The following TTC7B variants were observed in gnomAD, a reference collection of about 807,000 sequenced individuals.
TTC7B encodes the protein tetratricopeptide repeat domain 7B, also known as tetratricopeptide repeat protein 7B.
TTC7B carries 28 observed loss-of-function variants against 106.8 expected under a neutral mutation model. The observed-to-expected ratio is 0.26, with a 90% CI of 0.19 to 0.36. The LOEUF (loss-of-function observed/expected upper bound fraction) is 0.36. Among genes scored for constraint, TTC7B ranks in the 10% least tolerant of loss-of-function variants. The probability of loss-of-function intolerance (pLI) is 1.00; values close to 1 mark genes in which losing one functional copy is unlikely to be tolerated. For missense variants in TTC7B, 862 were observed against 1,076.4 expected, an observed-to-expected ratio of 0.80 and a Z score of 2.79; for synonymous variants, 405 against 430.6, an observed-to-expected ratio of 0.94 and a Z score of 0.74.
At chr14:90,733,703 G>A (rs1889411163) in intron 4 of TTC7B, among the ~76,000 whole-genome samples, 1 of 152,202 alleles carries the variant, frequency 6.6e-6, no homozygotes. Context: ...GACTGAGGAA[G>A]CACGGGGAAG....
At chr14:90,632,257 T>C (rs1324287940) in intron 15 of TTC7B, among the ~76,000 whole-genome samples, 1 of 152,238 alleles carries the variant, frequency 6.6e-6, no homozygotes, top group African/African-American at 2.4e-5. Context: ...GGCATGTTCA[T>C]TGCTTCATCA....
chr14:90,574,944 A>C (rs1196957327), intron 19 of TTC7B, among the ~76,000 whole-genome samples: 1 of 152,054 alleles, frequency 6.6e-6, no homozygotes, highest in African/African-American at 2.4e-5. Flanking sequence ...GATGCTCCCT[A>C]GGGCTCTGTT....
chr14:90,655,058 G>A lies in TTC7B; in HGVS notation c.1394C>T (p.Thr465Met), dbSNP rs200578603. Residue 465 changes from threonine (T) to methionine (M), a missense_variant, in exon 12 of 20, where the codon ACG becomes ATG. Thr to Met is a moderately conservative substitution (Grantham distance 81). Transcript: ENST00000328459. ...AKTVVDVGEK[T>M]SEFKAKGYLA... ...GTAGCCTTTGGCCTTGAACTCTGAC[G>A]TTTTCTCTCCCACATCAACGACAGT... 45 of 1,614,048 alleles carry A rather than the reference G, an allele frequency of 2.8e-5. No homozygotes were observed. Among genetic ancestry groups the A allele is most frequent in the Non-Finnish European group, 3.4e-5 (40 of 1,180,020 alleles).
At chr14:90,650,768 C>A (rs1290335183) in intron 13 of TTC7B, among the ~76,000 whole-genome samples, 1 of 152,216 alleles carries the variant, frequency 6.6e-6, no homozygotes, top group Non-Finnish European at 1.5e-5. Context: ...AGAAGCTTTG[C>A]AAACAATATT....
intron 17 of TTC7B, among the ~76,000 whole-genome samples, chr14:90,609,191 T>G (rs1329441331): frequency 1.3e-5 from 2 of 152,208 alleles, no homozygotes; most frequent in African/African-American, 4.8e-5. Flanking sequence ...AGCCCACCAA[T>G]GACTGCTGAA....
chr14:90,556,915 CG>C (rs952685454), intron 19 of TTC7B, among the ~76,000 whole-genome samples: 1 of 152,074 alleles, frequency 6.6e-6, no homozygotes, highest in Admixed American at 6.5e-5. Context: ...AGCCAGGGAA[CG>C]GGGGGGACAT....
chr14:90,676,107 T>C (rs1886823998), intron 9 of TTC7B: 1 of 159,638 alleles, frequency 6.3e-6, no homozygotes, highest in African/African-American at 2.4e-5. Context: ...AAACGGTCTA[T>C]ACCAGCTAAC....
At chr14:90,592,628 G>A (rs1039392322) in intron 18 of TTC7B, among the ~76,000 whole-genome samples, 2 of 151,666 alleles carry the variant, frequency 1.3e-5, no homozygotes, top group African/African-American at 4.8e-5. Context: ...AGAATCGCTT[G>A]AACCTGGGAG....
At chr14:90,726,417 C>T (rs1047075362) in intron 5 of TTC7B, among the ~76,000 whole-genome samples, 1 of 152,214 alleles carries the variant, frequency 6.6e-6, no homozygotes, top group African/African-American at 2.4e-5. Flanking sequence ...CCTCCAAGCC[C>T]TGGCAATGTC....
At position 90,807,617 on chromosome 14, in the gene TTC7B, T is replaced by C. The variant is rs1271985993; in HGVS notation, c.121+8558A>G. Among the ~76,000 whole-genome samples the C allele has an allele frequency of 6.6e-6, 1 of 152,238 alleles. No individual in the cohort carries two copies. Among genetic ancestry groups the C allele is most frequent in the Non-Finnish European group, 1.5e-5 (1 of 68,038 alleles). ...GATGCCCCTCTGATACCTGGTGCTG[T>C]GCCCACACATAGTAGGTGCACATTA... On this transcript the variant is annotated intron_variant, in intron 1 of 19. Transcript: ENST00000328459. The surrounding 1 kb of genome is among the most constrained non-coding windows in gnomAD (Gnocchi z 4.1).
intron 5 of TTC7B, among the ~76,000 whole-genome samples, chr14:90,725,097 G>A (rs575399159): frequency 6.6e-6 from 1 of 152,176 alleles, no homozygotes; most frequent in African/African-American, 2.4e-5. Context: ...TACAGGAAAC[G>A]TGTGTGAATT....
intron 18 of TTC7B, among the ~76,000 whole-genome samples, chr14:90,583,762 C>T (rs1354114285): frequency 6.6e-6 from 1 of 152,162 alleles, no homozygotes; most frequent in African/African-American, 2.4e-5. Context: ...GCTCCATAAG[C>T]TCTGAATGTT....
intron 9 of TTC7B, among the ~76,000 whole-genome samples, chr14:90,669,856 G>A (rs1739884943): frequency 6.6e-6 from 1 of 152,196 alleles, no homozygotes; most frequent in Non-Finnish European, 1.5e-5. Flanking sequence ...CAGTCACTGT[G>A]AAAAACAGTC....
At chr14:90,579,469 A>C (rs182492660) in intron 18 of TTC7B, among the ~76,000 whole-genome samples, 2 of 152,362 alleles carry the variant, frequency 1.3e-5, no homozygotes, top group Non-Finnish European at 2.9e-5. Flanking sequence ...CCACAACAGC[A>C]CACAAAATAG....
intron 4 of TTC7B, among the ~76,000 whole-genome samples, chr14:90,743,869 C>T (rs1250244969): frequency 6.6e-6 from 1 of 152,208 alleles, no homozygotes; most frequent in East Asian, 1.9e-4. Context: ...GCCTCCACCT[C>T]CCTGGCCCCA....
intron 12 of TTC7B, among the ~76,000 whole-genome samples, chr14:90,653,635 C>T (rs756364450): frequency 2.0e-4 from 30 of 152,202 alleles, no homozygotes; most frequent in Non-Finnish European, 3.7e-4. Flanking sequence ...CTGTTTATGG[C>T]TGGAACTGCA....
At chr14:90,630,520 T>A (rs1025236008) in intron 15 of TTC7B, among the ~76,000 whole-genome samples, 1 of 152,232 alleles carries the variant, frequency 6.6e-6, no homozygotes, top group African/African-American at 2.4e-5. Context: ...AATGAGCTAT[T>A]TTTAAGCGTA....
chr14:90,710,648 C>T (rs1326687078), intron 5 of TTC7B, among the ~76,000 whole-genome samples: 1 of 152,140 alleles, frequency 6.6e-6, no homozygotes, highest in East Asian at 1.9e-4. Flanking sequence ...CAGCAACCAC[C>T]ACCCCATCAG....
rs370475753 is a variant in TTC7B at position 90,534,235 on chromosome 14, G to C, written c.*7133C>G. On this transcript the variant is annotated 3_prime_UTR_variant, in exon 20 of 20. Transcript: ENST00000328459. Reference sequence around the variant, plus strand: ...TTTTCTGTTCCTATCTGGCTGCAGCGTGGGCAGGGGCAGCAGGAAATGCAT... The same window carrying C: ...TTTTCTGTTCCTATCTGGCTGCAGCCTGGGCAGGGGCAGCAGGAAATGCAT... 6 of 152,412 alleles carry C rather than the reference G, an allele frequency of 3.9e-5. No homozygotes were observed. Among genetic ancestry groups the C allele is most frequent in the African/African-American group, 1.2e-4 (5 of 41,480 alleles). The allele number at this position is 152,412 out of a possible 1,614,324, so 9.4% of individuals were successfully genotyped here.
Sources: gnomAD v4.1 joint callset for allele counts (sites outside exome capture counted in the v4.1 genomes callset) on GRCh38, gnomAD v4.1.1 for gene constraint, Gnocchi (gnomAD v3.1) non-coding constraint, MANE v1.5 for transcripts, NCBI Gene and HGNC (gene_info 2026-07-23, HGNC 2026-07-21) for gene names.